KCNQ1: variants seen among roughly 807,000 people sequenced by gnomAD.
KCNQ1 encodes potassium voltage-gated channel subfamily KQT member 1.
In KCNQ1, 49 loss-of-function variants were observed where a neutral mutation model predicts 72.4. That is an observed-to-expected ratio of 0.68 (90% CI 0.54 to 0.86). The LOEUF (loss-of-function observed/expected upper bound fraction) is 0.86. Ranked by LOEUF, KCNQ1 falls within the 40% of genes least tolerant of loss-of-function variation. The pLI is 0.00. For synonymous variants in KCNQ1, 450 were observed against 412.6 expected (o/e 1.09, Z -1.10); for missense variants, 790 against 945.1 (o/e 0.84, Z 2.15).
chr11:2,803,346 C>T lies in KCNQ1; in HGVS notation c.1794+25309C>T, dbSNP rs1490818177. On this transcript the variant is annotated intron_variant, in intron 15 of 15. Coordinates refer to ENST00000155840, the MANE Select transcript of KCNQ1 (RefSeq NM_000218.3). The surrounding 1 kb of genome is among the most constrained non-coding windows in gnomAD (Gnocchi z 6.4). ...CAGCCTGGACGGTGGCAGGACTCGG[C>T]GAGGTGGGGATGGGGCTTGGAGGAT... 1.3e-5 allele frequency among the ~76,000 whole-genome samples: 2 copies of T among 152,186 alleles called. No homozygotes were observed. The highest frequency in any genetic ancestry group is 2.4e-5 in the African/African-American group (1 of 41,446).
In KCNQ1 at chr11:2,657,423, A is replaced by C. The variant is rs231343; in HGVS notation, c.1394-4538A>C. 44,648 of 398,430 alleles carry C rather than the reference A, an allele frequency of 0.11. 2,684 individuals are homozygous for C. Among genetic ancestry groups the C allele is most frequent in the Middle Eastern group, 0.15 (245 of 1,586 alleles). The allele number at this position is 398,430 out of a possible 1,614,324, so 24.7% of individuals were successfully genotyped here. A position where few individuals can be genotyped will look rare whatever the true frequency, so the allele number is the denominator to read the frequency against. On this transcript the variant is annotated intron_variant, in intron 10 of 15. Coordinates refer to ENST00000155840, the MANE Select transcript of KCNQ1 (RefSeq NM_000218.3). The surrounding 1 kb of genome is among the most constrained non-coding windows in gnomAD (Gnocchi z 4.8). ...AATTTTCTCCAGAGTTCTTGCATAT[A>C]CTTAGTTAGATAATTAATATTCTTT...
At position 2,841,916 on chromosome 11, in the gene KCNQ1, G is replaced by A. The variant is rs1848222114; in HGVS notation, c.1795-5851G>A. Among the ~76,000 whole-genome samples, 6 of 152,178 alleles carry A rather than the reference G, an allele frequency of 3.9e-5. No homozygotes were observed. In the South Asian group the frequency reaches 1.2e-3, roughly 31 times the overall value. ...GAGGCAACCCCGCTCCTGGGGGGTG[G>A]TCAGTGAGGGCCAGCCAGGCAGCGG... is the stretch of plus-strand genomic sequence containing the variant. On this transcript the variant is annotated intron_variant, in intron 15 of 15. Coordinates refer to ENST00000155840, the MANE Select transcript of KCNQ1 (RefSeq NM_000218.3).
At chr11:2,622,790 C>T in intron 10 of KCNQ1, 1 of 398,530 alleles carries the variant, frequency 2.5e-6, no homozygotes. Context: ...TCCCGTATAC[C>T]CACTGCACCC....
At position 2,663,556 on chromosome 11, in the gene KCNQ1, T is replaced by G. The variant is rs1850008276; in HGVS notation, c.1514+1475T>G. 1 of 398,678 alleles carries G rather than the reference T, an allele frequency of 2.5e-6. No individual in the cohort carries two copies. Among genetic ancestry groups the G allele is most frequent in the Non-Finnish European group, 4.4e-6 (1 of 226,086 alleles). 24.7% of individuals were successfully genotyped at this position (398,678 alleles called of 1,614,324 possible). A position where few individuals can be genotyped will look rare whatever the true frequency, so the allele number is the denominator to read the frequency against. On this transcript the variant is annotated intron_variant, in intron 11 of 15. Coordinates refer to ENST00000155840, the MANE Select transcript of KCNQ1 (RefSeq NM_000218.3). The surrounding 1 kb of genome is among the most constrained non-coding windows in gnomAD (Gnocchi z 5.2). ...GAGAGGGGACTGTCCCTTCTCATCCTTCTGGCTGCTTGCTTCTCCTGTTGG... is the reference window on the plus strand; with the variant it reads ...GAGAGGGGACTGTCCCTTCTCATCCGTCTGGCTGCTTGCTTCTCCTGTTGG...
rs1472997408 is a variant in KCNQ1, at chr11:2,626,982, G to A, written c.1394-34979G>A. 2 of 398,436 alleles carry A rather than the reference G, an allele frequency of 5.0e-6. No individual in the cohort carries two copies. The highest frequency in any genetic ancestry group is 7.1e-5 in the East Asian group (2 of 28,076). The allele number at this position is 398,436 out of a possible 1,614,324, so 24.7% of individuals were successfully genotyped here. A position where few individuals can be genotyped will look rare whatever the true frequency, so the allele number is the denominator to read the frequency against. On this transcript the variant is annotated intron_variant, in intron 10 of 15. Coordinates refer to ENST00000155840, the MANE Select transcript of KCNQ1 (RefSeq NM_000218.3). The surrounding 1 kb of genome is among the most constrained non-coding windows in gnomAD (Gnocchi z 4.0). The stretch of plus-strand genomic sequence containing the variant: ...ATAACATCATTAGGATTTTTATTGG[G>A]ATTACCTTGGATTTGTAGATTGTTT...
Position 2,564,602 on chromosome 11 carries a change from A to G in KCNQ1, c.478-6026A>G, listed in dbSNP as rs1848220172. Among the ~76,000 whole-genome samples, 3 of 152,200 alleles carry G rather than the reference A, an allele frequency of 2.0e-5. No homozygotes were observed. The highest frequency in any genetic ancestry group is 2.9e-5 in the Non-Finnish European group (2 of 68,036). ...AGAGCAAGACTCTATCTCAAAATAA[A>G]ATAAAATGGAAATATGTTTTACCAT... On this transcript the variant is annotated intron_variant, in intron 2 of 15. Transcript: ENST00000155840. This position sits in a 1 kb window ranked among gnomAD's most constrained non-coding sequence, Gnocchi z 4.5.
chr11:2,533,978 C>CGGCTTCCTCCCCTCTGCTGA (rs1847685699), intron 2 of KCNQ1, among the ~76,000 whole-genome samples: 1 of 152,232 alleles, frequency 6.6e-6, no homozygotes, highest in African/African-American at 2.4e-5. Context: ...GTCATCGCTG[C>CGGCTTCCTCCCCTCTGCTGA]GGCTTCCTCC....
intron 1 of KCNQ1, among the ~76,000 whole-genome samples, chr11:2,448,482 C>G (rs1276171662): frequency 6.6e-6 from 1 of 152,244 alleles, no homozygotes. Flanking sequence ...AGAGCCAGCT[C>G]TCAGGGTGCA....
rs938737579 is a variant in KCNQ1 at position 2,725,542 on chromosome 11, A to C, written c.1515-43302A>C. 6.6e-6 allele frequency among the ~76,000 whole-genome samples: 1 copy of C among 152,224 alleles called. No homozygotes were observed. Among genetic ancestry groups the C allele is most frequent in the Admixed American group, 6.5e-5 (1 of 15,282 alleles). On this transcript the variant is annotated intron_variant, in intron 11 of 15. Coordinates refer to ENST00000155840, the MANE Select transcript of KCNQ1 (RefSeq NM_000218.3). This position sits in a 1 kb window ranked among gnomAD's most constrained non-coding sequence, Gnocchi z 7.2. ...CGTTTAGCTGTGGTTTAGGAAGTGC[A>C]TTCACGTGAAGTCGCCAAGTTCAAA...
rs1216730704 is a variant in KCNQ1, at chr11:2,691,349, C to A, written c.1514+29268C>A. ...AATCCACTGCACTTACAGTGACCAC[C>A]CATCCTGACATCTTGGGCTCAGGCC... On this transcript the variant is annotated intron_variant, in intron 11 of 15. Transcript: ENST00000155840. The surrounding 1 kb of genome is among the most constrained non-coding windows in gnomAD (Gnocchi z 6.4). 1 of 398,498 alleles carries A rather than the reference C, an allele frequency of 2.5e-6. No homozygotes were observed. The highest frequency in any genetic ancestry group is 4.4e-6 in the Non-Finnish European group (1 of 226,092). The allele number at this position is 398,498 out of a possible 1,614,324, so 24.7% of individuals were successfully genotyped here.
At chr11:2,805,961 T>G (rs1056582873) in intron 15 of KCNQ1, among the ~76,000 whole-genome samples, 1 of 152,168 alleles carries the variant, frequency 6.6e-6, no homozygotes, top group African/African-American at 2.4e-5. Context: ...TAGTGAGAAA[T>G]TGGAAACAGA....
At chr11:2,594,603 G>A (rs1848711073) in intron 10 of KCNQ1, among the ~76,000 whole-genome samples, 1 of 151,142 alleles carries the variant, frequency 6.6e-6, no homozygotes, top group African/African-American at 2.4e-5. Context: ...GTCTCCCTCT[G>A]CTTCATTCAC....
intron 10 of KCNQ1, chr11:2,649,879 G>T (rs1849731060): frequency 2.5e-6 from 1 of 398,328 alleles, no homozygotes; most frequent in African/African-American, 2.1e-5. Context: ...TTCTTAAATA[G>T]ATTTTCTGGT....
chr11:2,713,352 A>G lies in KCNQ1; in HGVS notation c.1514+51271A>G, dbSNP rs541078067. On this transcript the variant is annotated intron_variant, in intron 11 of 15. Coordinates refer to ENST00000155840, the MANE Select transcript of KCNQ1 (RefSeq NM_000218.3). This position sits in a 1 kb window ranked among gnomAD's most constrained non-coding sequence, Gnocchi z 5.6. Reference sequence around the variant, plus strand: ...TGCTCGCCATAAAAACTCTCCAGTCATCTTTTCCGCTGTGGTTTTTATTGT... The same window carrying G: ...TGCTCGCCATAAAAACTCTCCAGTCGTCTTTTCCGCTGTGGTTTTTATTGT... Among the ~76,000 whole-genome samples the G allele has an allele frequency of 1.1e-3, 173 of 152,286 alleles. No individual in the cohort carries two copies. The highest frequency in any genetic ancestry group is 3.3e-3 in the South Asian group (16 of 4,822).
chr11:2,726,632 G>A (rs1316158371), intron 11 of KCNQ1, among the ~76,000 whole-genome samples: 1 of 152,220 alleles, frequency 6.6e-6, no homozygotes, highest in East Asian at 1.9e-4. Context: ...AGAAAAAGGG[G>A]ATGACCCATT....
At chr11:2,628,792 T>G in intron 10 of KCNQ1, 1 of 398,402 alleles carries the variant, frequency 2.5e-6, no homozygotes, top group Admixed American at 4.4e-5. Context: ...CACTTTTCTC[T>G]ACAGTGTAGG....
intron 12 of KCNQ1, among the ~76,000 whole-genome samples, chr11:2,771,140 C>T (rs1674715811): frequency 6.6e-6 from 1 of 152,246 alleles, no homozygotes; most frequent in African/African-American, 2.4e-5. Context: ...CAGAACTGCG[C>T]CACTTGGGCA....
Position 2,778,038 on chromosome 11 carries a change from G to T in KCNQ1, c.1794+1G>T. On this transcript the variant is annotated splice_donor_variant, in intron 15 of 15. Coordinates refer to ENST00000155840, the MANE Select transcript of KCNQ1 (RefSeq NM_000218.3). LOFTEE classifies it high-confidence loss of function. ...CCGCCTGAACCGAGTAGAAGACAAG[G>T]TAGGCTCACGCGCCGGCCTGCGGTG... 1 of 1,613,520 alleles carries T rather than the reference G, an allele frequency of 6.2e-7. No homozygotes were observed.
chr11:2,553,925 C>T (rs995510794), intron 2 of KCNQ1, among the ~76,000 whole-genome samples: 4 of 152,168 alleles, frequency 2.6e-5, no homozygotes, highest in Admixed American at 1.3e-4. Context: ...CCATGTTGGC[C>T]AGGGTGGTCT....
Sources: gnomAD v4.1 joint callset for allele counts (sites outside exome capture counted in the v4.1 genomes callset) on GRCh38, gnomAD v4.1.1 for gene constraint, Gnocchi (gnomAD v3.1) non-coding constraint, MANE v1.5 for transcripts, NCBI Gene and HGNC (gene_info 2026-07-23, HGNC 2026-07-21) for gene names.